The following CNTN6 variants were observed in gnomAD, a reference collection of about 807,000 sequenced individuals.
The protein encoded by CNTN6 is contactin 6, also known as contactin-6.
Under a neutral mutation model 122.8 loss-of-function variants are expected in CNTN6, and 137 were observed. The ratio of observed to expected loss-of-function variants is 1.12; its 90% CI spans 0.97 to 1.29. The LOEUF (loss-of-function observed/expected upper bound fraction) is 1.29, where lower values mean the gene tolerates loss of function less well. Ranked by LOEUF, CNTN6 falls within the 50% of genes most tolerant of loss-of-function variation. CNTN6 has a pLI of 0.00. For missense variants in CNTN6, 1,634 were observed against 1,223.4 expected (o/e 1.34, Z -5.01); for synonymous variants, 570 against 426.0 (o/e 1.34, Z -4.16).
At chr3:1,326,523 A>T (rs1232810052) in intron 9 of CNTN6, among the ~76,000 whole-genome samples, 1 of 151,834 alleles carries the variant, frequency 6.6e-6, no homozygotes, top group Non-Finnish European at 1.5e-5. Flanking sequence ...AACACTGACG[A>T]CTGTCTTTAA....
chr3:1,389,677 G>A (rs548466179), intron 20 of CNTN6, among the ~76,000 whole-genome samples: 9 of 151,932 alleles, frequency 5.9e-5, no homozygotes, highest in South Asian at 4.2e-4. Context: ...CCCATCTCAC[G>A]TGCAGAGACA....
At chr3:1,148,691 G>A (rs774335761) in intron 2 of CNTN6, among the ~76,000 whole-genome samples, 3 of 152,158 alleles carry the variant, frequency 2.0e-5, no homozygotes, top group African/African-American at 4.8e-5. Flanking sequence ...AAATGTGAGT[G>A]TAATAAAATA....
chr3:1,252,927 C>A (rs532830460), intron 4 of CNTN6, among the ~76,000 whole-genome samples: 1 of 152,126 alleles, frequency 6.6e-6, no homozygotes, highest in Non-Finnish European at 1.5e-5. Flanking sequence ...ATTTCCTTAA[C>A]GAAGACTCCC....
intron 6 of CNTN6, among the ~76,000 whole-genome samples, chr3:1,296,020 T>C (rs2125866169): frequency 6.6e-6 from 1 of 152,292 alleles, no homozygotes; most frequent in South Asian, 2.1e-4. Context: ...GCCATCTCCT[T>C]TCTGGCATTG....
intron 2 of CNTN6, among the ~76,000 whole-genome samples, chr3:1,211,057 G>C (rs2094029983): frequency 6.6e-6 from 1 of 152,136 alleles, no homozygotes. Context: ...CAGTGCCCCA[G>C]CTCATAGCCC....
intron 4 of CNTN6, among the ~76,000 whole-genome samples, chr3:1,238,565 T>A (rs1434901058): frequency 1.3e-5 from 2 of 152,104 alleles, no homozygotes; most frequent in Non-Finnish European, 2.9e-5. Context: ...AACAATGGAC[T>A]TAAACTATAT....
At chr3:1,143,426 A>G (rs947238247) in intron 1 of CNTN6, among the ~76,000 whole-genome samples, 2 of 152,108 alleles carry the variant, frequency 1.3e-5, no homozygotes, top group Non-Finnish European at 2.9e-5. Context: ...TAGGTTCTAG[A>G]AGTTTCTTTA....
intron 11 of CNTN6, among the ~76,000 whole-genome samples, chr3:1,334,566 T>G (rs1302549494): frequency 6.6e-6 from 1 of 152,058 alleles, no homozygotes; most frequent in African/African-American, 2.4e-5. Flanking sequence ...AGTTATAACT[T>G]TATATATGTT....
At chr3:1,283,931 G>T (rs562877188) in intron 5 of CNTN6, among the ~76,000 whole-genome samples, 1 of 152,186 alleles carries the variant, frequency 6.6e-6, no homozygotes, top group African/African-American at 2.4e-5. Context: ...TCTGGGAGGC[G>T]GAGGTTGCAG....
At chr3:1,270,468 G>C (rs1290038883) in intron 4 of CNTN6, among the ~76,000 whole-genome samples, 1 of 152,116 alleles carries the variant, frequency 6.6e-6, no homozygotes, top group Non-Finnish European at 1.5e-5. Flanking sequence ...TGTTTTCTTG[G>C]TGTCTTTCAC....
chr3:1,330,490 CA>C (rs978314976), intron 11 of CNTN6, among the ~76,000 whole-genome samples: 4 of 150,002 alleles, frequency 2.7e-5, no homozygotes, highest in South Asian at 2.1e-4. Flanking sequence ...AACAAACAAA[CA>C]AAAAAAAAGA....
intron 1 of CNTN6, among the ~76,000 whole-genome samples, chr3:1,128,091 G>C (rs1310453872): frequency 6.6e-6 from 1 of 151,898 alleles, no homozygotes; most frequent in African/African-American, 2.4e-5. Context: ...CTCCCACCTT[G>C]AGCTGGTTTC....
chr3:1,392,052 CTACTT>C lies in CNTN6; in HGVS notation c.2704+6258_2704+6262del, dbSNP rs1360389462. 2.6e-5 allele frequency among the ~76,000 whole-genome samples: 4 copies of C among 152,274 alleles called. No homozygotes were observed. In the South Asian group the frequency reaches 8.3e-4, roughly 32 times the overall value. ...ACTTTCTTCACAGAATTGGAAAAAACTACTTTAAAGTTCATATGGAACCAAAAAAG... is the reference window on the plus strand; with the variant it reads ...ACTTTCTTCACAGAATTGGAAAAAACTAAAGTTCATATGGAACCAAAAAAG... On this transcript the variant is annotated intron_variant, in intron 20 of 22. Coordinates refer to ENST00000446702, the MANE Select transcript of CNTN6 (RefSeq NM_001289080.2).
chr3:1,149,772 C>T (rs2092799992), intron 2 of CNTN6, among the ~76,000 whole-genome samples: 2 of 152,178 alleles, frequency 1.3e-5, no homozygotes, highest in East Asian at 3.9e-4. Context: ...AATTATATTC[C>T]TACCCTTAAG....
At chr3:1,125,523 A>G (rs2092128936) in intron 1 of CNTN6, among the ~76,000 whole-genome samples, 1 of 151,910 alleles carries the variant, frequency 6.6e-6, no homozygotes, top group African/African-American at 2.4e-5. Flanking sequence ...GCCAGAGGCA[A>G]TGTGAGTATT....
chr3:1,202,592 A>G (rs1305311975), intron 2 of CNTN6, among the ~76,000 whole-genome samples: 1 of 150,290 alleles, frequency 6.7e-6, no homozygotes, highest in Non-Finnish European at 1.5e-5. Context: ...ATAAATACAA[A>G]TAAAATAAAA....
chr3:1,154,769 C>G (rs763222798), intron 2 of CNTN6, among the ~76,000 whole-genome samples: 2 of 152,112 alleles, frequency 1.3e-5, no homozygotes, highest in Non-Finnish European at 2.9e-5. Flanking sequence ...TTTCTTCCCC[C>G]GATTTAAACA....
chr3:1,369,546 C>G (rs1575903372), intron 12 of CNTN6, among the ~76,000 whole-genome samples: 1 of 152,070 alleles, frequency 6.6e-6, no homozygotes, highest in Non-Finnish European at 1.5e-5. Flanking sequence ...ATTCATAAAG[C>G]TTTCATCATT....
chr3:1,125,347 T>C (rs1329431293), intron 1 of CNTN6, among the ~76,000 whole-genome samples: 2 of 151,980 alleles, frequency 1.3e-5, no homozygotes, highest in Admixed American at 6.6e-5. Context: ...AATTATCAGA[T>C]ACATAAGCAA....
Sources: gnomAD v4.1 joint callset for allele counts (sites outside exome capture counted in the v4.1 genomes callset) on GRCh38, gnomAD v4.1.1 for gene constraint, MANE v1.5 for transcripts, NCBI Gene and HGNC (gene_info 2026-07-23, HGNC 2026-07-21) for gene names.